LIMA1: variants seen among roughly 807,000 people sequenced by gnomAD.
LIMA1 encodes LIM domain and actin-binding protein 1.
Under a neutral mutation model 62.6 loss-of-function variants are expected in LIMA1, and 52 were observed. The ratio of observed to expected loss-of-function variants is 0.83; its 90% CI spans 0.67 to 1.05. The LOEUF (loss-of-function observed/expected upper bound fraction) is 1.05, where lower values mean the gene tolerates loss of function less well. Ranked by LOEUF, LIMA1 falls within the 50% of genes least tolerant of loss-of-function variation. The pLI is 0.00. For missense variants in LIMA1, 780 were observed against 902.2 expected (o/e 0.86, Z 1.74); for synonymous variants, 302 against 317.8 (o/e 0.95, Z 0.53).
chr12:50,247,028 C>T (rs759110638), intron 2 of LIMA1, among the ~76,000 whole-genome samples: 74 of 152,152 alleles, frequency 4.9e-4, no homozygotes, highest in Admixed American at 8.5e-4. Context: ...CCCAGCTACT[C>T]AGAAGGCTGA....
At chr12:50,240,495 A>T (rs1941761901) in intron 2 of LIMA1, among the ~76,000 whole-genome samples, 2 of 152,150 alleles carry the variant, frequency 1.3e-5, no homozygotes, top group Admixed American at 1.3e-4. Context: ...AAGAAAAGTG[A>T]ATAGATTTGA....
chr12:50,280,456 C>G (rs1315370412), intron 1 of LIMA1, among the ~76,000 whole-genome samples: 1 of 152,018 alleles, frequency 6.6e-6, no homozygotes, highest in Non-Finnish European at 1.5e-5. Context: ...CCGCGCCCGG[C>G]CCAGGGTAGT....
chr12:50,238,567 A>T (rs1941729532), intron 2 of LIMA1, among the ~76,000 whole-genome samples: 1 of 151,918 alleles, frequency 6.6e-6, no homozygotes, highest in Non-Finnish European at 1.5e-5. Context: ...ATCAAAGAAC[A>T]CTATCAACAA....
At chr12:50,282,605 T>G (rs946069374) in intron 1 of LIMA1, among the ~76,000 whole-genome samples, 2 of 152,214 alleles carry the variant, frequency 1.3e-5, no homozygotes, top group Non-Finnish European at 2.9e-5. Flanking sequence ...GCTCAAGCGA[T>G]CCTCCCGCCT....
intron 9 of LIMA1, chr12:50,187,430 C>T (rs1940655748): frequency 6.6e-6 from 1 of 152,204 alleles, no homozygotes; most frequent in Non-Finnish European, 1.5e-5. Context: ...AAATTCTTCA[C>T]CACACAGCAA....
intron 7 of LIMA1, 58 bp downstream of exon 7, chr12:50,200,719 G>T: frequency 2.0e-6 from 3 of 1,531,648 alleles, no homozygotes; most frequent in South Asian, 1.1e-5. Context: ...CTAATTTCAA[G>T]CATCTAATTT....
At chr12:50,196,375 C>T (rs1342879110) in intron 7 of LIMA1, among the ~76,000 whole-genome samples, 1 of 152,126 alleles carries the variant, frequency 6.6e-6, no homozygotes. Context: ...ATATAGAAGA[C>T]CTTTTGACAG....
chr12:50,243,657 A>G (rs1199197957), intron 2 of LIMA1, among the ~76,000 whole-genome samples: 1 of 152,122 alleles, frequency 6.6e-6, no homozygotes, highest in Non-Finnish European at 1.5e-5. Flanking sequence ...TCCTACTTCT[A>G]TGCCTTTACC....
intron 2 of LIMA1, chr12:50,234,186 A>G: frequency 2.3e-6 from 1 of 431,556 alleles, no homozygotes; most frequent in East Asian, 7.3e-5. Flanking sequence ...CAAGCTGCAC[A>G]AATCTCCAGA....
chr12:50,274,251 G>C (rs1942248828), intron 1 of LIMA1, among the ~76,000 whole-genome samples: 1 of 152,034 alleles, frequency 6.6e-6, no homozygotes, highest in South Asian at 2.1e-4. Context: ...CATTTACCAA[G>C]TCTTTGGCAG....
intron 2 of LIMA1, among the ~76,000 whole-genome samples, chr12:50,243,694 G>GTC (rs1269827515): frequency 6.6e-6 from 1 of 152,078 alleles, no homozygotes; most frequent in African/African-American, 2.4e-5. Context: ...CCTCTGGAAT[G>GTC]TCTTCAGCAT....
At chr12:50,251,320 T>C (rs931195257) in intron 1 of LIMA1, among the ~76,000 whole-genome samples, 1 of 152,136 alleles carries the variant, frequency 6.6e-6, no homozygotes, top group South Asian at 2.1e-4. Context: ...GGAAAAAATA[T>C]ATACAAGATA....
chr12:50,209,747 C>A (rs1941220788), intron 4 of LIMA1, among the ~76,000 whole-genome samples: 1 of 151,942 alleles, frequency 6.6e-6, no homozygotes, highest in Non-Finnish European at 1.5e-5. Flanking sequence ...CTCACTGCAA[C>A]CCCCACCTCC....
intron 8 of LIMA1, among the ~76,000 whole-genome samples, chr12:50,193,009 CGT>C (rs1258198315): frequency 5.7e-5 from 8 of 139,374 alleles, no homozygotes; most frequent in Non-Finnish European, 1.1e-4. Context: ...TGTGTGCGCG[CGT>C]GCGCGCATTT....
intron 1 of LIMA1, among the ~76,000 whole-genome samples, chr12:50,252,264 T>C (rs1466555367): frequency 6.6e-6 from 1 of 152,084 alleles, no homozygotes; most frequent in Non-Finnish European, 1.5e-5. Context: ...AGTTAAACTC[T>C]AGGTGCAAGA....
At chr12:50,236,213 TAAAC>T (rs1212939138) in intron 2 of LIMA1, among the ~76,000 whole-genome samples, 2 of 151,900 alleles carry the variant, frequency 1.3e-5, no homozygotes, top group African/African-American at 4.8e-5. Context: ...TCATGACTCT[TAAAC>T]AGAAAAGATG....
chr12:50,194,915 G>A (rs1328698122), intron 8 of LIMA1, among the ~76,000 whole-genome samples: 2 of 152,044 alleles, frequency 1.3e-5, no homozygotes, highest in African/African-American at 4.8e-5. Context: ...AGGCATGGTG[G>A]TGTGCGCCTG....
rs941994121 is a variant in LIMA1 at position 50,176,256 on chromosome 12, T to C, written c.*808A>G. The C allele has an allele frequency of 4.6e-5, 7 of 152,178 alleles. No individual in the cohort carries two copies. Among genetic ancestry groups the C allele is most frequent in the Non-Finnish European group, 7.3e-5 (5 of 68,034 alleles). The allele number at this position is 152,178 out of a possible 1,614,324, so 9.4% of individuals were successfully genotyped here. On this transcript the variant is annotated 3_prime_UTR_variant, in exon 11 of 11. Coordinates refer to ENST00000341247, the MANE Select transcript of LIMA1 (RefSeq NM_016357.5). The stretch of plus-strand genomic sequence containing the variant: ...TAACACGGAAGATGGGGGACAGTGA[T>C]CCCGAAGGTATTACTAAAATATTGC...
At chr12:50,193,507 GTATATATGATATATATACACA>G (rs1940830697) in intron 8 of LIMA1, among the ~76,000 whole-genome samples, 2 of 119,374 alleles carry the variant, frequency 1.7e-5, no homozygotes, top group Non-Finnish European at 3.4e-5. Context: ...TCATATATGT[GTATATATGATATATATACACA>G]TATATGATAT....
Sources: allele counts gnomAD v4.1 joint callset (sites outside exome capture counted in the v4.1 genomes callset), GRCh38; gene constraint gnomAD v4.1.1; transcripts MANE v1.5; gene names NCBI Gene and HGNC (gene_info 2026-07-23, HGNC 2026-07-21).